The following TMPRSS6 variants were observed in gnomAD, a reference collection of about 807,000 sequenced individuals.
The protein encoded by TMPRSS6 is transmembrane protease serine 6.
Under a neutral mutation model 101.5 loss-of-function variants are expected in TMPRSS6, and 67 were observed. That is an observed-to-expected ratio of 0.66 (90% confidence interval 0.54 to 0.81). The LOEUF is 0.81. TMPRSS6 is among the 30% of genes least tolerant of loss of function. The pLI is 0.00. For missense variants in TMPRSS6, 1,034 were observed against 1,088.7 expected (o/e 0.95, Z 0.71); for synonymous variants, 453 against 464.9 (o/e 0.97, Z 0.33).
rs150756005 is a variant in TMPRSS6 at position 37,101,565 on chromosome 22, G to A, written c.202+1651C>T. ...TTCCTTGCCCAGCGCCCAGTCCCAG[G>A]AGCACAGCCTGGTCAAGGCGGGAGG... On this transcript the variant is annotated intron_variant, in intron 2 of 17. Coordinates refer to ENST00000676104, the MANE Select transcript of TMPRSS6 (RefSeq NM_001374504.1). This position sits in a 1 kb window ranked among gnomAD's most constrained non-coding sequence, Gnocchi z 4.1. Among the ~76,000 whole-genome samples the A allele has an allele frequency of 8.5e-4, 129 of 152,160 alleles. No homozygotes were observed. Among genetic ancestry groups the A allele is most frequent in the African/African-American group, 2.7e-3 (114 of 41,508 alleles).
At chr22:37,074,442 GGTCT>G (rs1460005185) in intron 12 of TMPRSS6, among the ~76,000 whole-genome samples, 164 bp downstream of exon 12, 1 of 152,148 alleles carries the variant, frequency 6.6e-6, no homozygotes, top group African/African-American at 2.4e-5. Flanking sequence ...CTGCATTGCT[GGTCT>G]GTCTCATTTT....
chr22:37,103,048 C>A lies in TMPRSS6; in HGVS notation c.202+168G>T, dbSNP rs1930456292. Reference sequence around the variant, plus strand: ...AGCCAGGGTCTGACAGCATCTCCAGCTGGAAGGACAGGGAGGGAGACCCAG... The same window carrying A: ...AGCCAGGGTCTGACAGCATCTCCAGATGGAAGGACAGGGAGGGAGACCCAG... On this transcript the variant is annotated intron_variant, in intron 2 of 17. Transcript: ENST00000676104. The surrounding 1 kb of genome is among the most constrained non-coding windows in gnomAD (Gnocchi z 4.4). 6.6e-6 allele frequency among the ~76,000 whole-genome samples: 1 copy of A among 151,984 alleles called. No homozygotes were observed. The highest frequency in any genetic ancestry group is 1.5e-5 in the Non-Finnish European group (1 of 67,968).
At position 37,066,066 on chromosome 22, in the gene TMPRSS6, A is replaced by C; in HGVS notation, c.*14T>G. ...GTCCAGGAGGTGGGCCCTGCTTTGC[A>C]GGGGGGCAGTTCCTCAGGTCACCAC... On this transcript the variant is annotated 3_prime_UTR_variant, in exon 18 of 18. Transcript: ENST00000676104. 6.2e-7 allele frequency: 1 copy of C among 1,613,060 alleles called. No individual in the cohort carries two copies. The highest frequency in any genetic ancestry group is 8.5e-7 in the Non-Finnish European group (1 of 1,179,852).
rs1930534106 is a variant in TMPRSS6, at chr22:37,103,743, A to G, written c.-1-325T>C. Reference sequence around the variant, plus strand: ...AAACACCCACCTCCCTAGAGGCTGCACCCACAGACAGAACTGAAGTACATG... The same window carrying G: ...AAACACCCACCTCCCTAGAGGCTGCGCCCACAGACAGAACTGAAGTACATG... On this transcript the variant is annotated intron_variant, in intron 1 of 17. Coordinates refer to ENST00000676104, the MANE Select transcript of TMPRSS6 (RefSeq NM_001374504.1). The surrounding 1 kb of genome is among the most constrained non-coding windows in gnomAD (Gnocchi z 4.4). The G allele has an allele frequency of 2.9e-6, 2 of 693,218 alleles. No homozygotes were observed. The highest frequency in any genetic ancestry group is 5.1e-6 in the Non-Finnish European group (2 of 394,382). The allele number at this position is 693,218 out of a possible 1,614,324, so 42.9% of individuals were successfully genotyped here.
chr22:37,094,135 T>C (rs762053779), intron 6 of TMPRSS6, among the ~76,000 whole-genome samples: 2 of 152,118 alleles, frequency 1.3e-5, no homozygotes, highest in African/African-American at 2.4e-5. Flanking sequence ...CATCATCTGA[T>C]TAAGTCCCCC....
At chr22:37,074,992 C>CA in intron 11 of TMPRSS6, 143 bp downstream of exon 11, 1 of 1,431,500 alleles carries the variant, frequency 7.0e-7, no homozygotes, top group Non-Finnish European at 9.7e-7. Flanking sequence ...TAAATTTGTG[C>CA]AAGCACATAC....
At chr22:37,102,163 A>G (rs1178560786) in intron 2 of TMPRSS6, among the ~76,000 whole-genome samples, 1 of 152,256 alleles carries the variant, frequency 6.6e-6, no homozygotes, top group Non-Finnish European at 1.5e-5. Context: ...CAGTAAGAGC[A>G]CTAGCTATCC....
chr22:37,085,810 C>T (rs568076614), intron 8 of TMPRSS6, among the ~76,000 whole-genome samples: 60 of 152,160 alleles, frequency 3.9e-4, no homozygotes, highest in Non-Finnish European at 4.7e-4. Flanking sequence ...TGGCTGTAAG[C>T]GGACTGTCTA....
chr22:37,076,072 GAAAA>G (rs919418578), intron 10 of TMPRSS6, among the ~76,000 whole-genome samples: 31 of 151,630 alleles, frequency 2.0e-4, no homozygotes, highest in Non-Finnish European at 3.7e-4. Flanking sequence ...AAAAAGAAAA[GAAAA>G]GAAAGAAAGA....
chr22:37,098,337 T>C, intron 3 of TMPRSS6, 79 bp downstream of exon 3: 2 of 1,607,910 alleles, frequency 1.2e-6, no homozygotes, highest in African/African-American at 1.3e-5. Context: ...GTTGACCAAC[T>C]GGCTCCATGT....
rs1175693141 is a variant in TMPRSS6, at chr22:37,088,169, T to A, written c.836+1409A>T. Among the ~76,000 whole-genome samples the A allele has an allele frequency of 2.0e-5, 3 of 152,120 alleles. No individual in the cohort carries two copies. The East Asian group carries it at 5.8e-4, about 29-fold the overall frequency. On this transcript the variant is annotated intron_variant, in intron 7 of 17. Transcript: ENST00000676104. Reference sequence around the variant, plus strand: ...TAAGTGTCCCCACCCTTTTTGGACCTGGAAGTCAGATGGTGTCTGGCTTCT... The same window carrying A: ...TAAGTGTCCCCACCCTTTTTGGACCAGGAAGTCAGATGGTGTCTGGCTTCT...
At chr22:37,095,799 A>G (rs2543509) in intron 5 of TMPRSS6, 107 bp downstream of exon 5, 605,843 of 1,456,672 alleles carry the variant, frequency 0.42, 127,307 homozygotes, top group African/African-American at 0.47. Flanking sequence ...TGGGGGGCCC[A>G]CCCTGACAGC....
chr22:37,069,432 G>T lies in TMPRSS6; in HGVS notation c.1842-88C>A. 2 of 1,312,666 alleles carry T rather than the reference G, an allele frequency of 1.5e-6. No individual in the cohort carries two copies. The highest frequency in any genetic ancestry group is 1.4e-5 in the South Asian group (1 of 71,596). 81.3% of individuals were successfully genotyped at this position (1,312,666 alleles called of 1,614,324 possible). A position where few individuals can be genotyped will look rare whatever the true frequency, so the allele number is the denominator to read the frequency against. On this transcript the variant is annotated intron_variant, in intron 15 of 17. Coordinates refer to ENST00000676104, the MANE Select transcript of TMPRSS6 (RefSeq NM_001374504.1). This position sits in a 1 kb window ranked among gnomAD's most constrained non-coding sequence, Gnocchi z 4.8. Reference sequence around the variant, plus strand: ...CATCCAGGGACCCTCAAGATAGCCAGATCCCCGCCCGGGACAGTGCCCTCC... The same window carrying T: ...CATCCAGGGACCCTCAAGATAGCCATATCCCCGCCCGGGACAGTGCCCTCC...
At chr22:37,087,475 A>G (rs1928877786) in intron 7 of TMPRSS6, among the ~76,000 whole-genome samples, 1 of 152,202 alleles carries the variant, frequency 6.6e-6, no homozygotes, top group Non-Finnish European at 1.5e-5. Context: ...CATGGTGGGC[A>G]TAACCCCAAG....
At chr22:37,106,128 C>A (rs954409868) in intron 1 of TMPRSS6, among the ~76,000 whole-genome samples, 2 of 151,312 alleles carry the variant, frequency 1.3e-5, no homozygotes, top group Non-Finnish European at 2.9e-5. Flanking sequence ...GTACTCTGAT[C>A]ACTCCTACTT....
chr22:37,098,397 C>A lies in TMPRSS6; in HGVS notation c.336+19G>T. Reference sequence around the variant, plus strand: ...CACCCCCATATTCCCTCCCTCTCATCCCCCAGATCCTTTCCTACCATCTTC... The same window carrying A: ...CACCCCCATATTCCCTCCCTCTCATACCCCAGATCCTTTCCTACCATCTTC... On this transcript the variant is annotated intron_variant, in intron 3 of 17. Coordinates refer to ENST00000676104, the MANE Select transcript of TMPRSS6 (RefSeq NM_001374504.1). The A allele has an allele frequency of 6.2e-7, 1 of 1,613,812 alleles. No individual in the cohort carries two copies. The highest frequency in any genetic ancestry group is 1.1e-5 in the South Asian group (1 of 91,062).
intron 10 of TMPRSS6, among the ~76,000 whole-genome samples, chr22:37,080,719 C>G (rs970969790): frequency 2.0e-5 from 3 of 152,250 alleles, no homozygotes; most frequent in African/African-American, 7.2e-5. Flanking sequence ...CCTGGGGACC[C>G]TGGACCCTTA....
In TMPRSS6 at chr22:37,068,978, C is replaced by G. The variant is rs576609518; in HGVS notation, c.2113+95G>C. The G allele has an allele frequency of 1.3e-5, 20 of 1,495,168 alleles. No homozygotes were observed. The East Asian group carries it at 4.2e-4, about 31-fold the overall frequency. The allele number at this position is 1,495,168 out of a possible 1,614,324, so 92.6% of individuals were successfully genotyped here. The stretch of plus-strand genomic sequence containing the variant: ...CTAGAGGGCCTATGGGGTGGAGCCC[C>G]GGGACCCCCAGCCCCGCCCTTCTCC... On this transcript the variant is annotated intron_variant, in intron 16 of 17. Transcript: ENST00000676104.
At chr22:37,077,993 A>G (rs763562880) in intron 10 of TMPRSS6, among the ~76,000 whole-genome samples, 6 of 152,214 alleles carry the variant, frequency 3.9e-5, no homozygotes, top group Non-Finnish European at 8.8e-5. Flanking sequence ...CCCCTGAGCA[A>G]GCCTGGCCCT....
Sources: gnomAD v4.1 joint callset for allele counts (sites outside exome capture counted in the v4.1 genomes callset) on GRCh38, gnomAD v4.1.1 for gene constraint, Gnocchi (gnomAD v3.1) non-coding constraint, MANE v1.5 for transcripts, NCBI Gene and HGNC (gene_info 2026-07-23, HGNC 2026-07-21) for gene names.